The following NDUFA7 variants were observed in gnomAD, a reference collection of about 807,000 sequenced individuals.
The protein encoded by NDUFA7 is NADH:ubiquinone oxidoreductase subunit A7.
In NDUFA7, 18 loss-of-function variants were observed where a neutral mutation model predicts 14.2. The ratio of observed to expected loss-of-function variants is 1.27; its 90% CI spans 0.88 to 1.88. The LOEUF (loss-of-function observed/expected upper bound fraction) is 1.88. Ranked by LOEUF, NDUFA7 falls within the 40% of genes most tolerant of loss-of-function variation. NDUFA7 has a pLI of 0.00. For synonymous variants in NDUFA7, 75 were observed against 62.1 expected, an observed-to-expected ratio of 1.21 and a Z score of -0.98; for missense variants, 172 against 147.3, an observed-to-expected ratio of 1.17 and a Z score of -0.87.
chr19:8,310,449 G>A (rs932758278), downstream of NDUFA7: 1 of 152,314 alleles, frequency 6.6e-6, no homozygotes, highest in Admixed American at 6.6e-5. Flanking sequence ...AAAGAAGTGA[G>A]AAGTCTGTGG....
At chr19:8,318,563 C>T (rs991427401) in intron 2 of NDUFA7, among the ~76,000 whole-genome samples, 4 of 146,862 alleles carry the variant, frequency 2.7e-5, no homozygotes, top group Non-Finnish European at 4.5e-5. Context: ...CTACTTGGTA[C>T]GCTGGACCAG....
At chr19:8,321,174 C>T (rs980584965) in intron 1 of NDUFA7, 134 bp downstream of exon 1, 19 of 1,179,586 alleles carry the variant, frequency 1.6e-5, no homozygotes, top group African/African-American at 4.6e-5. Flanking sequence ...GAAGGGGTGA[C>T]TAGCTGGGGG....
At chr19:8,319,021 G>C (rs1056506247) in intron 2 of NDUFA7, among the ~76,000 whole-genome samples, 3 of 150,888 alleles carry the variant, frequency 2.0e-5, no homozygotes, top group African/African-American at 7.3e-5. Flanking sequence ...ATCACTAGAG[G>C]GTGCCGTCAT....
intron 3 of NDUFA7, among the ~76,000 whole-genome samples, chr19:8,315,174 C>T (rs1246927031): frequency 2.6e-5 from 4 of 152,192 alleles, no homozygotes; most frequent in Non-Finnish European, 5.9e-5. Flanking sequence ...CCTAGGAAAG[C>T]CAGGCATTGT....
chr19:8,316,558 A>G lies in NDUFA7; in HGVS notation c.189T>C (p.Ser63=), dbSNP rs763195618. 3.1e-6 allele frequency: 5 copies of G among 1,614,088 alleles called. No homozygotes were observed. Among genetic ancestry groups the G allele is most frequent in the Non-Finnish European group, 4.2e-6 (5 of 1,180,052 alleles). Residue 63 remains serine (S), a synonymous_variant, in exon 3 of 4, where the codon TCT becomes TCC. Transcript: ENST00000301457. ...YYCTRDGRRE[S]VPPSIIMSSQ... The stretch of plus-strand genomic sequence containing the variant: ...ACGACATGATGATGGAAGGGGGCAC[A>G]GATTCCCGGCGGCCATCGCGAGTGC...
Position 8,321,233 on chromosome 19 carries a change from G to A in NDUFA7, c.51+75C>T, listed in dbSNP as rs144507133. 98 of 1,435,446 alleles carry A rather than the reference G, an allele frequency of 6.8e-5. No individual in the cohort carries two copies. In the Middle Eastern group the frequency reaches 1.3e-3, roughly 18 times the overall value. 88.9% of individuals were successfully genotyped at this position (1,435,446 alleles called of 1,614,324 possible). A position where few individuals can be genotyped will look rare whatever the true frequency, so the allele number is the denominator to read the frequency against. ...CGAAGGGTCCCGGCTTAGGAGGGAG[G>A]TGAGGAGCAGGAGCGGGTCCCGGAC... is the stretch of plus-strand genomic sequence containing the variant. On this transcript the variant is annotated intron_variant, in intron 1 of 3. Transcript: ENST00000301457.
intron 3 of NDUFA7, among the ~76,000 whole-genome samples, chr19:8,314,026 TGAG>T (rs1286964530): frequency 1.3e-5 from 2 of 152,234 alleles, no homozygotes; most frequent in Non-Finnish European, 2.9e-5. Context: ...CTTCTGTCTC[TGAG>T]AAGAATACAT....
intron 2 of NDUFA7, among the ~76,000 whole-genome samples, chr19:8,318,640 T>C (rs1267753718): frequency 8.5e-6 from 1 of 118,126 alleles, no homozygotes; most frequent in Non-Finnish European, 1.6e-5. Context: ...CACTCCAGCC[T>C]GGGTCACAGA....
intron 3 of NDUFA7, among the ~76,000 whole-genome samples, chr19:8,315,692 C>T (rs944715007): frequency 2.0e-5 from 3 of 152,026 alleles, no homozygotes; most frequent in South Asian, 2.1e-4. Flanking sequence ...GTATGCTGAG[C>T]GCTGGTCCCC....
intron 2 of NDUFA7, chr19:8,319,691 C>T (rs1345029220): frequency 6.6e-6 from 1 of 152,096 alleles, no homozygotes; most frequent in Non-Finnish European, 1.5e-5. Context: ...TTATAATCCT[C>T]AATGACTGCC....
intron 3 of NDUFA7, among the ~76,000 whole-genome samples, chr19:8,314,380 C>A (rs1970210125): frequency 6.8e-6 from 1 of 146,460 alleles, no homozygotes; most frequent in Non-Finnish European, 1.5e-5. Context: ...CAGTTTCTCA[C>A]AGGACCCTTG....
chr19:8,316,938 G>A (rs918584011), intron 2 of NDUFA7: 9 of 276,416 alleles, frequency 3.3e-5, no homozygotes, highest in Non-Finnish European at 6.2e-5. Context: ...CCCAAGGCCC[G>A]GGACATGTCC....
chr19:8,319,345 A>G (rs3097182), intron 2 of NDUFA7: 107,275 of 151,914 alleles, frequency 0.71, 38,697 homozygotes, highest in African/African-American at 0.86. Flanking sequence ...CGGATTATGA[A>G]GTCAGGAGTT....
chr19:8,320,356 A>G (rs1226605081), intron 2 of NDUFA7, among the ~76,000 whole-genome samples: 1 of 152,176 alleles, frequency 6.6e-6, no homozygotes, highest in Admixed American at 6.6e-5. Context: ...GCTTCTCCCT[A>G]GAATGTGGCG....
intron 3 of NDUFA7, 120 bp downstream of exon 3, chr19:8,316,376 C>T (rs1970233601): frequency 7.1e-7 from 1 of 1,410,678 alleles, no homozygotes; most frequent in Non-Finnish European, 9.6e-7. Flanking sequence ...AGCACAGTTC[C>T]TGCGCAACTG....
intron 3 of NDUFA7, among the ~76,000 whole-genome samples, chr19:8,315,693 G>C (rs901447986): frequency 2.0e-5 from 3 of 152,000 alleles, no homozygotes; most frequent in Non-Finnish European, 2.9e-5. Flanking sequence ...TATGCTGAGC[G>C]CTGGTCCCCT....
chr19:8,320,711 A>AAGGCAAACCT (rs1309096406), intron 2 of NDUFA7, 146 bp downstream of exon 2: 1 of 1,009,232 alleles, frequency 9.9e-7, no homozygotes, highest in Non-Finnish European at 1.5e-6. Context: ...AGCAAGGTTA[A>AAGGCAAACCT]AGGCAAACCT....
At chr19:8,310,937 C>T (rs1419206080), downstream of NDUFA7, among the ~76,000 whole-genome samples, 1 of 152,066 alleles carries the variant, frequency 6.6e-6, no homozygotes, top group African/African-American at 2.4e-5. Flanking sequence ...TTGCTTGAGC[C>T]CAGGAGGCAG....
chr19:8,319,849 CTTTTTT>C (rs1048500196), intron 2 of NDUFA7, among the ~76,000 whole-genome samples: 2 of 151,812 alleles, frequency 1.3e-5, no homozygotes, highest in African/African-American at 4.8e-5. Context: ...AATGTTTTTT[CTTTTTT>C]ATTTTTTTGA....
Sources: gnomAD v4.1 joint callset for allele counts (sites outside exome capture counted in the v4.1 genomes callset) on GRCh38, gnomAD v4.1.1 for gene constraint, MANE v1.5 for transcripts, NCBI Gene and HGNC (gene_info 2026-07-23, HGNC 2026-07-21) for gene names.